Variants in PTPN6 observed in about 807,000 individuals in gnomAD.
PTPN6 encodes tyrosine-protein phosphatase non-receptor type 6.
A neutral mutation model predicts 81.5 loss-of-function variants in PTPN6; 18 were observed. The observed-to-expected ratio is 0.22, with a 90% confidence interval of 0.15 to 0.33. PTPN6 has a LOEUF of 0.33. Ranked by LOEUF, PTPN6 falls within the 10% of genes least tolerant of loss-of-function variation. The pLI is 1.00. For synonymous variants in PTPN6, 301 were observed against 310.9 expected (o/e 0.97, Z 0.33); for missense variants, 500 against 794.2 (o/e 0.63, Z 4.45).
chr12:6,950,930 A>G (rs782382065), upstream of PTPN6, among the ~76,000 whole-genome samples: 16 of 152,314 alleles, frequency 1.1e-4, no homozygotes, highest in South Asian at 2.9e-3. Flanking sequence ...TGAGAAACCA[A>G]TCAGACAAGG....
At position 6,951,867 on chromosome 12, in the gene PTPN6, C is replaced by T. The variant is rs1555147823; in HGVS notation, c.132-116C>T. On this transcript the variant is annotated intron_variant, in intron 2 of 15. Transcript: ENST00000318974. The surrounding 1 kb of genome is among the most constrained non-coding windows in gnomAD (Gnocchi z 7.2). ...CCTTGCCCCCAACCCCCACACTCCCCATCCCTGTCTGTGCCCACCCATGCC... is the reference window on the plus strand; with the variant it reads ...CCTTGCCCCCAACCCCCACACTCCCTATCCCTGTCTGTGCCCACCCATGCC... 1 of 1,562,032 alleles carries T rather than the reference C, an allele frequency of 6.4e-7. No homozygotes were observed. Among genetic ancestry groups the T allele is most frequent in the Non-Finnish European group, 8.7e-7 (1 of 1,143,290 alleles).
rs1360903835 is a variant in PTPN6, at chr12:6,959,726, G to T, written c.1362-201G>T. On this transcript the variant is annotated intron_variant, in intron 11 of 15. Coordinates refer to ENST00000318974, the MANE Select transcript of PTPN6 (RefSeq NM_002831.6). The surrounding 1 kb of genome is among the most constrained non-coding windows in gnomAD (Gnocchi z 6.6). The stretch of plus-strand genomic sequence containing the variant: ...CAGCTGGGGAGCCAGCGTCAGCACC[G>T]CAGAGCCCGAGGTGGAGCGTGTCCA... The T allele has an allele frequency of 4.8e-6, 3 of 629,500 alleles. No homozygotes were observed. Among genetic ancestry groups the T allele is most frequent in the African/African-American group, 3.7e-5 (2 of 54,684 alleles). The allele number at this position is 629,500 out of a possible 1,614,324, so 39.0% of individuals were successfully genotyped here. A position where few individuals can be genotyped will look rare whatever the true frequency, so the allele number is the denominator to read the frequency against.
chr12:6,951,218 G>A, upstream of PTPN6: 1 of 1,418,180 alleles, frequency 7.1e-7, no homozygotes, highest in Non-Finnish European at 9.2e-7. The surrounding 1 kb of genome is among the most constrained non-coding windows in gnomAD (Gnocchi z 7.2). Flanking sequence ...GTGGGAAGTG[G>A]GCCCCGTCCC....
upstream of PTPN6, among the ~76,000 whole-genome samples, chr12:6,947,083 C>A (rs1275578078): frequency 6.6e-6 from 1 of 152,174 alleles, no homozygotes; most frequent in African/African-American, 2.4e-5. Flanking sequence ...AGAGGCCACC[C>A]GCGAAGGCCC....
chr12:6,956,575 C>G lies in PTPN6; in HGVS notation c.1074+7C>G. ...AGAGGTGGAGAAAGGCCGGGTAGGG[C>G]GCCCCCCCTTCCCCGCATCCGCCCC... On this transcript the variant is annotated splice_region_variant and intron_variant, in intron 9 of 15. Coordinates refer to ENST00000318974, the MANE Select transcript of PTPN6 (RefSeq NM_002831.6). This position sits in a 1 kb window ranked among gnomAD's most constrained non-coding sequence, Gnocchi z 4.1. The G allele has an allele frequency of 2.5e-6, 4 of 1,613,058 alleles. No individual in the cohort carries two copies. The highest frequency in any genetic ancestry group is 3.4e-6 in the Non-Finnish European group (4 of 1,179,968).
In PTPN6 at chr12:6,956,404, C is replaced by T. The variant is rs201639711; in HGVS notation, c.925-15C>T. 1.6e-5 allele frequency: 26 copies of T among 1,614,020 alleles called. No homozygotes were observed. The highest frequency in any genetic ancestry group is 8.8e-5 in the South Asian group (8 of 91,074). ...CTCACTGTCTTGGGGTGCGTCTCTC[C>T]ACGCTTGCGTCCAGAACCAGCTGCT... On this transcript the variant is annotated splice_polypyrimidine_tract_variant and intron_variant, in intron 8 of 15. Coordinates refer to ENST00000318974, the MANE Select transcript of PTPN6 (RefSeq NM_002831.6). The surrounding 1 kb of genome is among the most constrained non-coding windows in gnomAD (Gnocchi z 4.1).
At position 6,952,359 on chromosome 12, in the gene PTPN6, C is replaced by G. The variant is rs1471609066; in HGVS notation, c.326+182C>G. On this transcript the variant is annotated intron_variant, in intron 3 of 15. Transcript: ENST00000318974. The surrounding 1 kb of genome is among the most constrained non-coding windows in gnomAD (Gnocchi z 8.1). ...TGTCCTGGGACCTGGTGTCTCAGAG[C>G]CTAACCTACCACCCTTTCCACCTAA... 1.4e-6 allele frequency: 1 copy of G among 706,500 alleles called. No individual in the cohort carries two copies. The highest frequency in any genetic ancestry group is 1.8e-5 in the African/African-American group (1 of 56,432). The allele number at this position is 706,500 out of a possible 1,614,324, so 43.8% of individuals were successfully genotyped here.
At position 6,960,270 on chromosome 12, in the gene PTPN6, G is replaced by C. The variant is rs367730757; in HGVS notation, c.1581+31G>C. 54 of 1,605,240 alleles carry C rather than the reference G, an allele frequency of 3.4e-5. No homozygotes were observed. The East Asian group carries it at 4.5e-4, about 13-fold the overall frequency. On this transcript the variant is annotated intron_variant, in intron 13 of 15. Transcript: ENST00000318974. This position sits in a 1 kb window ranked among gnomAD's most constrained non-coding sequence, Gnocchi z 6.1. Reference sequence around the variant, plus strand: ...TGCAGAGCAGGGCCTGGGGGGGGGGGGGGCTGCAGTGCAGGATGGGTGCCA... The same window carrying C: ...TGCAGAGCAGGGCCTGGGGGGGGGGCGGGCTGCAGTGCAGGATGGGTGCCA...
In PTPN6 at chr12:6,959,755, A is replaced by C. The variant is rs1161061494; in HGVS notation, c.1362-172A>C. 8.5e-6 allele frequency: 6 copies of C among 709,896 alleles called. No homozygotes were observed. Among genetic ancestry groups the C allele is most frequent in the Non-Finnish European group, 1.5e-5 (6 of 407,346 alleles). The allele number at this position is 709,896 out of a possible 1,614,324, so 44.0% of individuals were successfully genotyped here. A position where few individuals can be genotyped will look rare whatever the true frequency, so the allele number is the denominator to read the frequency against. On this transcript the variant is annotated intron_variant, in intron 11 of 15. Transcript: ENST00000318974. This position sits in a 1 kb window ranked among gnomAD's most constrained non-coding sequence, Gnocchi z 6.6. ...AGCCCGAGGTGGAGCGTGTCCATGC[A>C]GAGCTGGGCAAACCTCCATCATCAC...
In PTPN6 at chr12:6,952,246, G is replaced by C. The variant is rs774427374; in HGVS notation, c.326+69G>C. ...GGCTCCCACCCTGAACAGCCAGGGA[G>C]GCAGGGAGACTGGCAGCCGGCGCTG... On this transcript the variant is annotated intron_variant, in intron 3 of 15. Transcript: ENST00000318974. The surrounding 1 kb of genome is among the most constrained non-coding windows in gnomAD (Gnocchi z 8.1). The C allele has an allele frequency of 2.5e-5, 39 of 1,584,866 alleles. No individual in the cohort carries two copies. Among genetic ancestry groups the C allele is most frequent in the Non-Finnish European group, 3.3e-5 (38 of 1,157,154 alleles).
In PTPN6 at chr12:6,956,654, A is replaced by T; in HGVS notation, c.1074+86A>T. The T allele has an allele frequency of 6.4e-7, 1 of 1,557,580 alleles. No homozygotes were observed. The highest frequency in any genetic ancestry group is 8.8e-7 in the Non-Finnish European group (1 of 1,138,458). On this transcript the variant is annotated intron_variant, in intron 9 of 15. Coordinates refer to ENST00000318974, the MANE Select transcript of PTPN6 (RefSeq NM_002831.6). The surrounding 1 kb of genome is among the most constrained non-coding windows in gnomAD (Gnocchi z 4.1). ...AGAGCAGTCAGATGCCAGGGCAGAA[A>T]GGGATCTCAGGGGTGAGGGTCCGGC...
rs782721984 is a variant in PTPN6, at chr12:6,955,467, C to T, written c.729C>T (p.Gly243=). The T allele has an allele frequency of 1.2e-6, 2 of 1,614,126 alleles. No homozygotes were observed. Among genetic ancestry groups the T allele is most frequent in the South Asian group, 1.1e-5 (1 of 91,078 alleles). Residue 243 remains glycine (G), a synonymous_variant, in exon 6 of 16, where the codon GGC becomes GGT. Coordinates refer to ENST00000318974, the MANE Select transcript of PTPN6 (RefSeq NM_002831.6). This position sits in a 1 kb window ranked among gnomAD's most constrained non-coding sequence, Gnocchi z 7.2. ...KQESEDTAKA[G]FWEEFESLQK... ...AGTCCGAGGATACAGCCAAGGCTGG[C>T]TTCTGGGAGGAGTTTGAGGTGCATG...
Position 6,959,870 on chromosome 12 carries a change from C to T in PTPN6, c.1362-57C>T. ...TGGGGCTGGAGCTGAGCGCTGGGTA[C>T]CCCCCTTCCCGGGGAGGGCTTGACT... On this transcript the variant is annotated intron_variant, in intron 11 of 15. Coordinates refer to ENST00000318974, the MANE Select transcript of PTPN6 (RefSeq NM_002831.6). This position sits in a 1 kb window ranked among gnomAD's most constrained non-coding sequence, Gnocchi z 6.6. 1.3e-6 allele frequency: 2 copies of T among 1,580,660 alleles called. No homozygotes were observed. The highest frequency in any genetic ancestry group is 2.3e-4 in the Middle Eastern group (1 of 4,382).
At chr12:6,949,575 A>T (rs1358551709), upstream of PTPN6, among the ~76,000 whole-genome samples, 11 of 152,094 alleles carry the variant, frequency 7.2e-5, no homozygotes, top group Admixed American at 7.2e-4. Context: ...GGTGAATAAC[A>T]CCTACTAAGT....
At chr12:6,946,628 C>T (rs1555146793), upstream of PTPN6, 2 of 1,015,280 alleles carry the variant, frequency 2.0e-6, no homozygotes, top group Non-Finnish European at 3.1e-6. Context: ...CTGAGCGGTT[C>T]TTCCTCACCT....
At position 6,957,306 on chromosome 12, in the gene PTPN6, T is replaced by TC. The variant is rs1565583349; in HGVS notation, c.1075-343dup. ...CAGCCACGCTCCTCAGCGCGGTGTC[T>TC]CCCCCGGTCACCTGTCTCTGTGAGC... On this transcript the variant is annotated intron_variant, in intron 9 of 15. Transcript: ENST00000318974. This position sits in a 1 kb window ranked among gnomAD's most constrained non-coding sequence, Gnocchi z 6.5. 2.0e-5 allele frequency among the ~76,000 whole-genome samples: 3 copies of TC among 152,152 alleles called. No individual in the cohort carries two copies. Among genetic ancestry groups the TC allele is most frequent in the East Asian group, 1.9e-4 (1 of 5,190 alleles).
At position 6,955,274 on chromosome 12, in the gene PTPN6, G is replaced by C. The variant is rs1555148412; in HGVS notation, c.633+7G>C. The C allele has an allele frequency of 6.2e-7, 1 of 1,613,736 alleles. No homozygotes were observed. The highest frequency in any genetic ancestry group is 8.5e-7 in the Non-Finnish European group (1 of 1,179,622). ...CTTTGTCTACCTGCGGCAGGTCAGG[G>C]GTGGGCCCAGCTGCCTCCCCACTTC... On this transcript the variant is annotated splice_region_variant and intron_variant, in intron 5 of 15. Transcript: ENST00000318974. This position sits in a 1 kb window ranked among gnomAD's most constrained non-coding sequence, Gnocchi z 7.2.
chr12:6,959,918 T>A lies in PTPN6; in HGVS notation c.1362-9T>A, dbSNP rs1274418080. On this transcript the variant is annotated splice_polypyrimidine_tract_variant and intron_variant, in intron 11 of 15. Coordinates refer to ENST00000318974, the MANE Select transcript of PTPN6 (RefSeq NM_002831.6). The surrounding 1 kb of genome is among the most constrained non-coding windows in gnomAD (Gnocchi z 6.6). ...ACTGGCCTCTGATGGCACCCCCGTCTTTCCCCAGCGCCGGCATCGGCCGCA... is the reference window on the plus strand; with the variant it reads ...ACTGGCCTCTGATGGCACCCCCGTCATTCCCCAGCGCCGGCATCGGCCGCA... 1 of 1,610,902 alleles carries A rather than the reference T, an allele frequency of 6.2e-7. No homozygotes were observed. The highest frequency in any genetic ancestry group is 1.3e-5 in the African/African-American group (1 of 74,808).
In PTPN6 at chr12:6,951,929, GC is replaced by G; in HGVS notation, c.132-51del. 1 of 1,592,342 alleles carries G rather than the reference GC, an allele frequency of 6.3e-7. No homozygotes were observed. Among genetic ancestry groups the G allele is most frequent in the Non-Finnish European group, 8.6e-7 (1 of 1,164,082 alleles). ...CCACCCAGGACCTCAGCCGATCCCT[GC>G]CCTCCTGCCTCTACTCCTGCACCGA... On this transcript the variant is annotated intron_variant, in intron 2 of 15. Coordinates refer to ENST00000318974, the MANE Select transcript of PTPN6 (RefSeq NM_002831.6). The surrounding 1 kb of genome is among the most constrained non-coding windows in gnomAD (Gnocchi z 7.2).
Sources: allele counts gnomAD v4.1 joint callset (sites outside exome capture counted in the v4.1 genomes callset), GRCh38; gene constraint gnomAD v4.1.1; non-coding constraint Gnocchi (gnomAD v3.1); transcripts MANE v1.5; gene names NCBI Gene and HGNC (gene_info 2026-07-23, HGNC 2026-07-21).